Variants in OSBPL1A observed in about 807,000 individuals in gnomAD.
The protein encoded by OSBPL1A is oxysterol binding protein like 1A, also known as oxysterol-binding protein-related protein 1.
In OSBPL1A, 80 loss-of-function variants were observed where a neutral mutation model predicts 137.1. The ratio of observed to expected loss-of-function variants is 0.58; its 90% CI spans 0.49 to 0.70. The LOEUF is 0.70. Ranked by LOEUF, OSBPL1A falls within the 30% of genes least tolerant of loss-of-function variation. OSBPL1A has a pLI of 0.00. For missense variants in OSBPL1A, 970 were observed against 1,129.4 expected, an observed-to-expected ratio of 0.86 and a Z score of 2.02; for synonymous variants, 365 against 389.7, an observed-to-expected ratio of 0.94 and a Z score of 0.75.
intron 23 of OSBPL1A, chr18:24,170,682 T>C: frequency 4.1e-6 from 2 of 487,858 alleles, no homozygotes; most frequent in Non-Finnish European, 7.4e-6. Context: ...AGTCTCACTC[T>C]GTTACTCAGG....
chr18:24,229,322 G>A (rs9807626), intron 16 of OSBPL1A, among the ~76,000 whole-genome samples: 6,464 of 152,266 alleles, frequency 0.042, 437 homozygotes, highest in African/African-American at 0.15. Flanking sequence ...TCTGAGCTTT[G>A]TAGTTTCAAA....
intron 7 of OSBPL1A, among the ~76,000 whole-genome samples, chr18:24,325,440 C>A (rs990115813): frequency 6.6e-6 from 1 of 152,248 alleles, no homozygotes; most frequent in African/African-American, 2.4e-5. Flanking sequence ...AGCTTTTACA[C>A]TGGCTTTCCA....
At chr18:24,187,786 T>C (rs1328105533) in intron 18 of OSBPL1A, among the ~76,000 whole-genome samples, 1 of 152,160 alleles carries the variant, frequency 6.6e-6, no homozygotes, top group African/African-American at 2.4e-5. Context: ...CAGCATGGCA[T>C]AGGGACCTGG....
chr18:24,310,623 GA>G (rs1182540410), intron 13 of OSBPL1A, among the ~76,000 whole-genome samples: 35 of 128,842 alleles, frequency 2.7e-4, no homozygotes, highest in Admixed American at 4.6e-4. Context: ...AAAAAGAAAA[GA>G]AAAAAAAAAA....
At chr18:24,260,457 T>C (rs1036596390) in intron 15 of OSBPL1A, among the ~76,000 whole-genome samples, 4 of 152,226 alleles carry the variant, frequency 2.6e-5, no homozygotes, top group Non-Finnish European at 5.9e-5. Context: ...ATACATACCA[T>C]ACTTCTTAGC....
intron 13 of OSBPL1A, among the ~76,000 whole-genome samples, chr18:24,311,191 G>A (rs1490001297): frequency 6.6e-6 from 1 of 152,072 alleles, no homozygotes; most frequent in Non-Finnish European, 1.5e-5. Flanking sequence ...AAACTCCATA[G>A]GTATTGGGGA....
rs573874558 is a variant in OSBPL1A at position 24,336,459 on chromosome 18, G to A, written c.395-2129C>T. Among the ~76,000 whole-genome samples the A allele has an allele frequency of 3.9e-5, 6 of 152,198 alleles. No homozygotes were observed. The South Asian group carries it at 1.2e-3, about 32-fold the overall frequency. On this transcript the variant is annotated intron_variant, in intron 5 of 27. Transcript: ENST00000319481. ...TGAAAACAAATATTCTAGTCTGGGT[G>A]GTCAGGCTTCTAGAATGCTCGCAAT...
intron 17 of OSBPL1A, among the ~76,000 whole-genome samples, chr18:24,206,454 T>A (rs1475564457): frequency 6.6e-6 from 1 of 152,230 alleles, no homozygotes; most frequent in South Asian, 2.1e-4. Context: ...TTTGTTTTAA[T>A]GTCATATGAC....
At chr18:24,189,742 G>A (rs908298025) in intron 18 of OSBPL1A, among the ~76,000 whole-genome samples, 1 of 152,088 alleles carries the variant, frequency 6.6e-6, no homozygotes, top group Non-Finnish European at 1.5e-5. Context: ...CCGATTACAC[G>A]CAGATGAGTT....
intron 15 of OSBPL1A, among the ~76,000 whole-genome samples, chr18:24,241,894 A>G (rs1452517412): frequency 6.6e-6 from 1 of 152,224 alleles, no homozygotes; most frequent in African/African-American, 2.4e-5. Context: ...CATCAATGAT[A>G]GACTGGATTA....
chr18:24,177,251 T>G (rs916914618), intron 21 of OSBPL1A, among the ~76,000 whole-genome samples: 7 of 152,156 alleles, frequency 4.6e-5, no homozygotes, highest in Admixed American at 3.3e-4. Flanking sequence ...TTTCCCCTAT[T>G]CTCTACTTCC....
At chr18:24,336,429 A>C (rs944048126) in intron 5 of OSBPL1A, among the ~76,000 whole-genome samples, 14 of 152,150 alleles carry the variant, frequency 9.2e-5, no homozygotes, top group African/African-American at 3.4e-4. Context: ...TGCTGATTAC[A>C]TCAATGAAAA....
chr18:24,375,367 T>G (rs1906030146), intron 2 of OSBPL1A, among the ~76,000 whole-genome samples: 1 of 149,998 alleles, frequency 6.7e-6, no homozygotes, highest in African/African-American at 2.5e-5. Context: ...AAGACTAACG[T>G]TTACTCTCCC....
At chr18:24,295,882 A>C (rs1382855135) in intron 14 of OSBPL1A, among the ~76,000 whole-genome samples, 28 of 151,736 alleles carry the variant, frequency 1.8e-4, no homozygotes. Context: ...CCATAACAGT[A>C]ACCATGATGT....
chr18:24,269,448 C>T (rs879496121), intron 15 of OSBPL1A, among the ~76,000 whole-genome samples: 3 of 152,044 alleles, frequency 2.0e-5, no homozygotes, highest in African/African-American at 2.4e-5. Flanking sequence ...AGTCACCTGA[C>T]GCCGGTATAA....
chr18:24,262,505 T>C (rs1355603564), intron 15 of OSBPL1A, among the ~76,000 whole-genome samples: 2 of 152,202 alleles, frequency 1.3e-5, no homozygotes, highest in East Asian at 1.9e-4. Context: ...GGCTCTGCAA[T>C]TGATAGTTTT....
intron 13 of OSBPL1A, among the ~76,000 whole-genome samples, chr18:24,305,073 T>C (rs1355891472): frequency 6.6e-6 from 1 of 152,184 alleles, no homozygotes; most frequent in East Asian, 1.9e-4. Context: ...TAGAAAATCA[T>C]CATTCTTGCT....
chr18:24,270,867 A>T (rs2089700944), intron 15 of OSBPL1A, among the ~76,000 whole-genome samples: 3 of 152,292 alleles, frequency 2.0e-5, no homozygotes, highest in African/African-American at 7.2e-5. Context: ...TAAAATTAAG[A>T]AACTTTTAAT....
chr18:24,381,797 C>T (rs1340017539), intron 1 of OSBPL1A, among the ~76,000 whole-genome samples: 2 of 150,652 alleles, frequency 1.3e-5, no homozygotes, highest in African/African-American at 4.9e-5. Context: ...TCCATCTCTA[C>T]TAAAAATACA....
Sources: allele counts gnomAD v4.1 joint callset (sites outside exome capture counted in the v4.1 genomes callset), GRCh38; gene constraint gnomAD v4.1.1; transcripts MANE v1.5; gene names NCBI Gene and HGNC (gene_info 2026-07-23, HGNC 2026-07-21).